CPQ: variants seen among roughly 807,000 people sequenced by gnomAD.
The protein encoded by CPQ is Ser-Met dipeptidase.
Under a neutral mutation model 45.7 loss-of-function variants are expected in CPQ, and 37 were observed. The observed-to-expected ratio is 0.81, with a 90% CI of 0.62 to 1.07. CPQ has a LOEUF of 1.07. Ranked by LOEUF, CPQ falls within the 50% of genes least tolerant of loss-of-function variation. CPQ has a pLI of 0.00. For synonymous variants in CPQ, 186 were observed against 205.8 expected, an observed-to-expected ratio of 0.90 and a Z score of 0.82; for missense variants, 537 against 572.9, an observed-to-expected ratio of 0.94 and a Z score of 0.64.
intron 1 of CPQ, among the ~76,000 whole-genome samples, chr8:96,756,390 G>A (rs1169502925): frequency 6.6e-6 from 1 of 151,736 alleles, no homozygotes; most frequent in African/African-American, 2.4e-5. Flanking sequence ...CTTTATGTGG[G>A]GAATGTTTAG....
chr8:96,889,603 A>G (rs1199696157), intron 4 of CPQ, among the ~76,000 whole-genome samples: 1 of 152,198 alleles, frequency 6.6e-6, no homozygotes, highest in Non-Finnish European at 1.5e-5. Flanking sequence ...GTTGAGGAAC[A>G]AGGAAGCCAG....
At chr8:97,085,359 G>A (rs550726933) in intron 7 of CPQ, among the ~76,000 whole-genome samples, 80 of 151,998 alleles carry the variant, frequency 5.3e-4, no homozygotes, top group Non-Finnish European at 1.1e-3. Context: ...ACTCCAGCCT[G>A]GATGACAAAG....
At chr8:96,692,491 A>C (rs558945300) in intron 1 of CPQ, among the ~76,000 whole-genome samples, 1 of 151,268 alleles carries the variant, frequency 6.6e-6, no homozygotes, top group Non-Finnish European at 1.5e-5. Context: ...GCATAGACAG[A>C]CTCTGTTTGT....
intron 6 of CPQ, among the ~76,000 whole-genome samples, chr8:97,058,496 T>C (rs1239921244): frequency 6.6e-6 from 1 of 152,060 alleles, no homozygotes; most frequent in Non-Finnish European, 1.5e-5. Flanking sequence ...TAAGGGAAAA[T>C]GGTCAAATGA....
intron 6 of CPQ, among the ~76,000 whole-genome samples, chr8:97,060,904 A>G (rs558363387): frequency 1.1e-4 from 16 of 152,282 alleles, no homozygotes; most frequent in African/African-American, 3.8e-4. Flanking sequence ...TATTCATTCC[A>G]GTTTCTTTGT....
chr8:96,681,514 A>C (rs1809151885), intron 1 of CPQ, among the ~76,000 whole-genome samples: 1 of 152,224 alleles, frequency 6.6e-6, no homozygotes, highest in Non-Finnish European at 1.5e-5. Context: ...GATGTATAGA[A>C]ATGCCTGGCT....
chr8:96,873,503 TA>T (rs539643832), intron 3 of CPQ, among the ~76,000 whole-genome samples: 2 of 151,636 alleles, frequency 1.3e-5, no homozygotes, highest in South Asian at 2.1e-4. Flanking sequence ...GGTGCTAAAT[TA>T]AAAAAAATTA....
intron 5 of CPQ, among the ~76,000 whole-genome samples, chr8:96,974,721 C>A (rs1813746085): frequency 6.6e-6 from 1 of 152,000 alleles, no homozygotes; most frequent in African/African-American, 2.4e-5. Flanking sequence ...ACCCTTAAAA[C>A]CATGTAAATA....
chr8:97,088,844 AC>A (rs1301910832), intron 7 of CPQ, among the ~76,000 whole-genome samples: 1 of 152,230 alleles, frequency 6.6e-6, no homozygotes, highest in Admixed American at 6.5e-5. Context: ...AATTAAAACT[AC>A]CACATATACA....
chr8:96,653,832 T>A (rs891308082), intron 1 of CPQ, among the ~76,000 whole-genome samples: 1 of 151,764 alleles, frequency 6.6e-6, no homozygotes, highest in African/African-American at 2.4e-5. Flanking sequence ...GTGGCAGAGG[T>A]GGAAGAAGCG....
chr8:96,728,985 A>G lies in CPQ; in HGVS notation c.-34-55879A>G, dbSNP rs113928176. On this transcript the variant is annotated intron_variant, in intron 1 of 7. Transcript: ENST00000220763. ...AAACAAACCTCAAAGCCCATGTCCTATTGGATGTAGTAAGTGATATCATCT... is the reference window on the plus strand; with the variant it reads ...AAACAAACCTCAAAGCCCATGTCCTGTTGGATGTAGTAAGTGATATCATCT... Among the ~76,000 whole-genome samples, 907 of 152,332 alleles carry G rather than the reference A, an allele frequency of 6.0e-3. 16 individuals are homozygous for G. The highest frequency in any genetic ancestry group is 0.016 in the African/African-American group (656 of 41,584).
intron 5 of CPQ, among the ~76,000 whole-genome samples, chr8:96,979,791 G>A (rs1172860028): frequency 6.6e-6 from 1 of 152,094 alleles, no homozygotes; most frequent in Non-Finnish European, 1.5e-5. Flanking sequence ...TATGTGACAG[G>A]ATAAAGAAAG....
chr8:96,724,997 C>T (rs1046545565), intron 1 of CPQ, among the ~76,000 whole-genome samples: 32 of 152,076 alleles, frequency 2.1e-4, no homozygotes, highest in African/African-American at 5.3e-4. Context: ...ACTTCCTATT[C>T]GATAAGTGGT....
chr8:96,913,373 T>C (rs1812693152), intron 4 of CPQ, among the ~76,000 whole-genome samples: 1 of 152,174 alleles, frequency 6.6e-6, no homozygotes. Context: ...TAAATACCTA[T>C]CTGCTCTCAA....
rs769872674 is a variant in CPQ, at chr8:96,879,787, C to T, written c.642-11C>T. 6.2e-6 allele frequency: 10 copies of T among 1,612,212 alleles called. No homozygotes were observed. In the African/African-American group the frequency reaches 1.3e-4, roughly 22 times the overall value. On this transcript the variant is annotated splice_polypyrimidine_tract_variant and intron_variant, in intron 3 of 7. Transcript: ENST00000220763. ...CACTTTCAAGGTAACCTGGTGGCTT[C>T]TTCTCTCAAGTCCTCACACAGGTAT...
chr8:97,078,808 C>CCCT, intron 7 of CPQ, among the ~76,000 whole-genome samples: 1 of 69,184 alleles, frequency 1.4e-5, no homozygotes, highest in South Asian at 5.4e-4. Flanking sequence ...TCTCTCTCTC[C>CCCT]CTCTCTCCTT....
At chr8:96,807,977 T>G (rs1811107570) in intron 2 of CPQ, among the ~76,000 whole-genome samples, 1 of 152,212 alleles carries the variant, frequency 6.6e-6, no homozygotes, top group South Asian at 2.1e-4. Flanking sequence ...GATTCACACT[T>G]CTCAAAGAAA....
intron 4 of CPQ, among the ~76,000 whole-genome samples, chr8:96,961,615 A>G (rs1368904025): frequency 2.0e-5 from 3 of 152,206 alleles, no homozygotes; most frequent in East Asian, 3.8e-4. Context: ...CTCCACACTG[A>G]AGATATAAAG....
rs184587911 is a variant in CPQ at position 96,798,972 on chromosome 8, A to T, written c.433+13642A>T. ...TATCTGCATGTTAAATCATGAGTGG[A>T]TTGTGAAAGGTCACAAATTTAAAAA... On this transcript the variant is annotated intron_variant, in intron 2 of 7. Transcript: ENST00000220763. 1.4e-3 allele frequency among the ~76,000 whole-genome samples: 216 copies of T among 152,268 alleles called. 4 individuals are homozygous for T. The highest frequency in any genetic ancestry group is 0.011 in the Admixed American group (167 of 15,288).
Sources: gnomAD v4.1 joint callset for allele counts (sites outside exome capture counted in the v4.1 genomes callset) on GRCh38, gnomAD v4.1.1 for gene constraint, MANE v1.5 for transcripts, NCBI Gene and HGNC (gene_info 2026-07-23, HGNC 2026-07-21) for gene names.